Variants in EIF5 observed in about 807,000 individuals in gnomAD.
EIF5 encodes the protein eukaryotic translation initiation factor 5.
In EIF5, 10 loss-of-function variants were observed where a neutral mutation model predicts 48.3. The ratio of observed to expected loss-of-function variants is 0.21; its 90% CI spans 0.13 to 0.35. The LOEUF is 0.35. EIF5 is among the 10% of genes least tolerant of loss of function. The pLI is 1.00. For missense variants in EIF5, 397 were observed against 533.2 expected, an observed-to-expected ratio of 0.74 and a Z score of 2.51; for synonymous variants, 237 against 173.1, an observed-to-expected ratio of 1.37 and a Z score of -2.90.
At position 103,341,925 on chromosome 14, in the gene EIF5, A is replaced by G. The variant is rs1595366352; in HGVS notation, c.*873A>G. On this transcript the variant is annotated 3_prime_UTR_variant, in exon 12 of 12. Coordinates refer to ENST00000216554, the MANE Select transcript of EIF5 (RefSeq NM_001969.5). ...GCACTTAACTAGCAACCTAAGCATGATTTTTCAGCTTTTGCCCTTAGGGTT... is the reference window on the plus strand; with the variant it reads ...GCACTTAACTAGCAACCTAAGCATGGTTTTTCAGCTTTTGCCCTTAGGGTT... The G allele has an allele frequency of 6.5e-6, 1 of 152,722 alleles. No individual in the cohort carries two copies. The highest frequency in any genetic ancestry group is 2.1e-4 in the South Asian group (1 of 4,832). The allele number at this position is 152,722 out of a possible 1,614,324, so 9.5% of individuals were successfully genotyped here.
Position 103,335,946 on chromosome 14 carries a change from C to G in EIF5, c.72+14C>G, listed in dbSNP as rs1406245121. On this transcript the variant is annotated intron_variant, in intron 3 of 11. Coordinates refer to ENST00000216554, the MANE Select transcript of EIF5 (RefSeq NM_001969.5). ...CTGATTGCCAAGGTAATAAACTGCTCTTCAATTTAGTTGATAGCTCTTTTT... is the reference window on the plus strand; with the variant it reads ...CTGATTGCCAAGGTAATAAACTGCTGTTCAATTTAGTTGATAGCTCTTTTT... The G allele has an allele frequency of 1.9e-6, 3 of 1,614,100 alleles. No individual in the cohort carries two copies. The highest frequency in any genetic ancestry group is 2.2e-5 in the South Asian group (2 of 91,078).
intron 4 of EIF5, 148 bp downstream of exon 4, chr14:103,336,265 C>A: frequency 1.2e-6 from 1 of 829,566 alleles, no homozygotes; most frequent in Non-Finnish European, 1.9e-6. Context: ...CATGAGTTTA[C>A]AAAACTACCA....
At chr14:103,337,052 A>T (rs1393082791) in intron 5 of EIF5, 64 bp from the exon 6 acceptor site, 2 of 1,468,938 alleles carry the variant, frequency 1.4e-6, no homozygotes, top group African/African-American at 1.4e-5. Context: ...TCTGTGGTTT[A>T]GATGTCCTCT....
chr14:103,335,565 A>C (rs944040209), intron 2 of EIF5, 88 bp from the exon 3 acceptor site: 4 of 470,320 alleles, frequency 8.5e-6, no homozygotes, highest in Non-Finnish European at 1.5e-5. Context: ...GCAGAAGCAT[A>C]ACTAGGATGT....
At chr14:103,338,630 A>G (rs2089317585) in intron 7 of EIF5, 105 bp from the exon 8 acceptor site, 2 of 1,529,486 alleles carry the variant, frequency 1.3e-6, no homozygotes, top group Non-Finnish European at 1.8e-6. Flanking sequence ...AGGTGAACCC[A>G]ATTTTGGATG....
chr14:103,337,580 C>A, intron 6 of EIF5: 981 of 314,080 alleles, frequency 3.1e-3, no homozygotes, highest in Middle Eastern at 0.012. Flanking sequence ...CCAGCTTGGG[C>A]AACAGCGACT....
chr14:103,337,019 A>G (rs1049022125), intron 5 of EIF5, 97 bp from the exon 6 acceptor site: 3 of 1,364,498 alleles, frequency 2.2e-6, no homozygotes, highest in Non-Finnish European at 3.0e-6. Flanking sequence ...GTGTGAAAAA[A>G]GTTTTCTTTG....
At chr14:103,339,579 T>G in intron 9 of EIF5, 60 bp from the exon 10 acceptor site, 1 of 1,608,972 alleles carries the variant, frequency 6.2e-7, no homozygotes, top group Non-Finnish European at 8.5e-7. Flanking sequence ...ATTTGGGTAA[T>G]AGAGTTGTCA....
chr14:103,335,678 G>C lies in EIF5; in HGVS notation c.-183G>C, dbSNP rs1014561142. 1.6e-6 allele frequency: 1 copy of C among 617,228 alleles called. No homozygotes were observed. Among genetic ancestry groups the C allele is most frequent in the Non-Finnish European group, 2.9e-6 (1 of 348,146 alleles). 38.2% of individuals were successfully genotyped at this position (617,228 alleles called of 1,614,324 possible). A position where few individuals can be genotyped will look rare whatever the true frequency, so the allele number is the denominator to read the frequency against. On this transcript the variant is annotated 5_prime_UTR_variant, in exon 3 of 12. Transcript: ENST00000216554. Reference sequence around the variant, plus strand: ...AGCTGTTGCGCAGCCATTGGTACCTGTATTGGGGAAACATAGCATACAAGC... The same window carrying C: ...AGCTGTTGCGCAGCCATTGGTACCTCTATTGGGGAAACATAGCATACAAGC...
intron 6 of EIF5, chr14:103,337,573 G>C (rs750364354): frequency 2.8e-6 from 1 of 351,046 alleles, no homozygotes; most frequent in Non-Finnish European, 5.3e-6. Context: ...CTGCACTCCA[G>C]CTTGGGCAAC....
intron 10 of EIF5, 46 bp from the exon 11 acceptor site, chr14:103,340,381 G>C (rs777690097): frequency 6.3e-6 from 10 of 1,578,122 alleles, no homozygotes; most frequent in Non-Finnish European, 8.7e-6. Flanking sequence ...ATAATCAAAA[G>C]TTGTTAAAAT....
Position 103,336,809 on chromosome 14 carries a change from T to G in EIF5, c.287T>G (p.Phe96Cys). 1 of 1,613,998 alleles carries G rather than the reference T, an allele frequency of 6.2e-7. No homozygotes were observed. Residue 96 changes from phenylalanine to cysteine, a missense_variant, in exon 5 of 12, where the codon TTT (phenylalanine) becomes TGT (cysteine). This residue lies in a region of EIF5 where 108 missense variants were observed against 188.3 expected (regional missense o/e 0.57). Coordinates refer to ENST00000216554, the MANE Select transcript of EIF5 (RefSeq NM_001969.5). ...ATGTTGGATGGATTCATTAAAAAAT[T>G]TGTTCTCTGTCCTGAATGTGAGAAT... ...QDMLDGFIKK[F>C]VLCPECENPE...
At chr14:103,337,355 C>T (rs879386281) in intron 6 of EIF5, 128 bp downstream of exon 6, 42 of 780,608 alleles carry the variant, frequency 5.4e-5, no homozygotes, top group South Asian at 7.9e-5. Flanking sequence ...TTGTATTCCC[C>T]GCATTTTGGG....
chr14:103,339,856 T>C, intron 10 of EIF5, 53 bp downstream of exon 10: 1 of 1,565,724 alleles, frequency 6.4e-7, no homozygotes, highest in South Asian at 1.2e-5. Flanking sequence ...GGGGGTTTTT[T>C]TGTTTGGTTG....
rs754796788 is a variant in EIF5, at chr14:103,336,752, A to G, written c.230A>G (p.Asn77Ser). The change falls in exon 5 of 12, where the codon AAT becomes AGT. Residue 77 changes from asparagine to serine, a missense_variant. Physicochemically the swap from Asn to Ser is conservative, Grantham distance 46. Around this residue, in one of 4 missense-constraint regions of EIF5, gnomAD observed 108 missense variants for 188.3 expected, o/e 0.57. Transcript: ENST00000216554. The stretch of plus-strand genomic sequence containing the variant: ...GTTAAGAATGACCGTTACATTGTCA[A>G]TGGATCTCATGAGGCGAATAAGCTG... The part of the protein sequence containing the change: ...FDVKNDRYIV[N>S]GSHEANKLQD... 2 of 1,614,178 alleles carry G rather than the reference A, an allele frequency of 1.2e-6. No homozygotes were observed. Among genetic ancestry groups the G allele is most frequent in the Non-Finnish European group, 1.7e-6 (2 of 1,180,026 alleles).
chr14:103,340,367 A>C, intron 10 of EIF5, 60 bp from the exon 11 acceptor site: 1 of 1,567,736 alleles, frequency 6.4e-7, no homozygotes, highest in Non-Finnish European at 8.7e-7. Flanking sequence ...GGGGGATTGT[A>C]TAAATAATCA....
intron 6 of EIF5, 57 bp downstream of exon 6, chr14:103,337,284 A>G: frequency 7.0e-7 from 1 of 1,436,668 alleles, no homozygotes; most frequent in Non-Finnish European, 9.6e-7. Context: ...ACTGTTGGGA[A>G]CAAAATAGAA....
At chr14:103,334,898 C>G (rs1301424033) in intron 2 of EIF5, 1 of 152,164 alleles carries the variant, frequency 6.6e-6, no homozygotes, top group East Asian at 1.9e-4. Context: ...GGCCGTGTGT[C>G]GCTTCCCGGC....
chr14:103,339,904 G>A, intron 10 of EIF5, 101 bp downstream of exon 10: 1 of 1,347,634 alleles, frequency 7.4e-7, no homozygotes, highest in East Asian at 2.5e-5. Flanking sequence ...TGTTGTCCAG[G>A]CAGGAGTACA....
Sources: allele counts gnomAD v4.1 joint callset, GRCh38; gene constraint gnomAD v4.1.1; regional missense constraint gnomAD v4.1.1; transcripts MANE v1.5; gene names NCBI Gene and HGNC (gene_info 2026-07-23, HGNC 2026-07-21).